The following CSRNP3 variants were observed in gnomAD, a reference collection of about 807,000 sequenced individuals.
The protein encoded by CSRNP3 is cysteine and serine rich nuclear protein 3.
In CSRNP3, 12 loss-of-function variants were observed where a neutral mutation model predicts 48.0. The ratio of observed to expected loss-of-function variants is 0.25; its 90% CI spans 0.16 to 0.41. The LOEUF (loss-of-function observed/expected upper bound fraction) is 0.41. Ranked by LOEUF, CSRNP3 falls within the 10% of genes least tolerant of loss-of-function variation. CSRNP3 has a pLI of 1.00. For missense variants in CSRNP3, 580 were observed against 724.4 expected (o/e 0.80, Z 2.29); for synonymous variants, 263 against 269.7 (o/e 0.98, Z 0.24).
At position 165,476,746 on chromosome 2, in the gene CSRNP3, T is replaced by C. The variant is rs143855552; in HGVS notation, c.-283+7006T>C. ...AAATTTGGACCAGTTACTTAAACTA[T>C]CTGAGCCTTAGTTTTCTTATCTGTA... On this transcript the variant is annotated intron_variant, in intron 1 of 6. Transcript: ENST00000651982. Among the ~76,000 whole-genome samples the C allele has an allele frequency of 1.6e-3, 249 of 152,362 alleles. 1 individual carries two copies. Among genetic ancestry groups the C allele is most frequent in the South Asian group, 0.011 (51 of 4,826 alleles).
chr2:165,516,498 A>G (rs535700109), intron 2 of CSRNP3, among the ~76,000 whole-genome samples: 1 of 152,308 alleles, frequency 6.6e-6, no homozygotes, highest in South Asian at 2.1e-4. Flanking sequence ...ATGAGGTAGT[A>G]TAATTTATTA....
chr2:165,483,897 G>C (rs1684079998), intron 1 of CSRNP3, among the ~76,000 whole-genome samples: 2 of 152,140 alleles, frequency 1.3e-5, no homozygotes, highest in Non-Finnish European at 2.9e-5. Flanking sequence ...ATTTTAGGGA[G>C]ACCCTAGCAT....
chr2:165,545,210 G>T (rs1031595474), intron 3 of CSRNP3, among the ~76,000 whole-genome samples: 2 of 152,152 alleles, frequency 1.3e-5, no homozygotes, highest in Non-Finnish European at 2.9e-5. Flanking sequence ...TGAGAGAATG[G>T]GTGGAGAAGA....
chr2:165,608,012 A>G (rs1353931867), intron 4 of CSRNP3, among the ~76,000 whole-genome samples: 1 of 150,714 alleles, frequency 6.6e-6, no homozygotes, highest in African/African-American at 2.4e-5. Flanking sequence ...TTATAGTGTT[A>G]TATTTGATGA....
chr2:165,660,051 T>G (rs2105348425), intron 5 of CSRNP3, among the ~76,000 whole-genome samples: 1 of 152,338 alleles, frequency 6.6e-6, no homozygotes. Context: ...TGTTGTTGTT[T>G]TTTATGCTTG....
chr2:165,519,383 A>G (rs1157213225), intron 3 of CSRNP3, among the ~76,000 whole-genome samples: 1 of 152,150 alleles, frequency 6.6e-6, no homozygotes, highest in Non-Finnish European at 1.5e-5. Flanking sequence ...ATTGAATGCT[A>G]TAAATCCATA....
In CSRNP3 at chr2:165,685,819, TA is replaced by T. The variant is rs1198004885; in HGVS notation, c.*6068del. The T allele has an allele frequency of 2.0e-4, 31 of 152,266 alleles. No individual in the cohort carries two copies. Among genetic ancestry groups the T allele is most frequent in the African/African-American group, 6.5e-4 (27 of 41,572 alleles). The allele number at this position is 152,266 out of a possible 1,614,324, so 9.4% of individuals were successfully genotyped here. On this transcript the variant is annotated 3_prime_UTR_variant, in exon 7 of 7. Transcript: ENST00000651982. The stretch of plus-strand genomic sequence containing the variant: ...GGAATGTGATAGAATTTATTTTGGA[TA>T]ACATTTGTATTCAGCATGCTAATGA...
At position 165,680,774 on chromosome 2, in the gene CSRNP3, G is replaced by A. The variant is rs1687522138; in HGVS notation, c.*1021G>A. 1 of 152,040 alleles carries A rather than the reference G, an allele frequency of 6.6e-6. No individual in the cohort carries two copies. The highest frequency in any genetic ancestry group is 1.5e-5 in the Non-Finnish European group (1 of 68,016). The allele number at this position is 152,040 out of a possible 1,614,324, so 9.4% of individuals were successfully genotyped here. On this transcript the variant is annotated 3_prime_UTR_variant, in exon 7 of 7. Transcript: ENST00000651982. ...GGAATCATCCAATGATACTTATGAA[G>A]GGAAAATGACCTATTTTCCTTCACC...
At chr2:165,476,431 G>A (rs1486765408) in intron 1 of CSRNP3, among the ~76,000 whole-genome samples, 1 of 152,116 alleles carries the variant, frequency 6.6e-6, no homozygotes, top group Non-Finnish European at 1.5e-5. Flanking sequence ...AAAGAATAAC[G>A]AATGAAATAT....
intron 1 of CSRNP3, among the ~76,000 whole-genome samples, chr2:165,492,950 AAAG>A (rs1266025193): frequency 2.0e-5 from 3 of 151,344 alleles, no homozygotes; most frequent in African/African-American, 4.8e-5. Context: ...AAAAAAAAAA[AAAG>A]GAGTCACTGG....
At chr2:165,474,979 A>G (rs1184542002) in intron 1 of CSRNP3, among the ~76,000 whole-genome samples, 1 of 152,202 alleles carries the variant, frequency 6.6e-6, no homozygotes. Flanking sequence ...TGTTGTGGAT[A>G]TATCACAATA....
chr2:165,541,061 T>C (rs1574829173), intron 3 of CSRNP3, among the ~76,000 whole-genome samples: 1 of 152,062 alleles, frequency 6.6e-6, no homozygotes, highest in East Asian at 1.9e-4. Flanking sequence ...AGTCAATATT[T>C]TATATACCAC....
chr2:165,686,633 T>A lies in CSRNP3; in HGVS notation c.*6880T>A, dbSNP rs886830430. Reference sequence around the variant, plus strand: ...TGTTTTTTAATTTATTTAGTGTTGATCCTTGAGTTATTTAATGGTATCCAA... The same window carrying A: ...TGTTTTTTAATTTATTTAGTGTTGAACCTTGAGTTATTTAATGGTATCCAA... On this transcript the variant is annotated 3_prime_UTR_variant, in exon 7 of 7. Coordinates refer to ENST00000651982, the MANE Select transcript of CSRNP3 (RefSeq NM_001172173.2). 7 of 152,064 alleles carry A rather than the reference T, an allele frequency of 4.6e-5. No homozygotes were observed. The highest frequency in any genetic ancestry group is 1.7e-4 in the African/African-American group (7 of 41,400). 9.4% of individuals were successfully genotyped at this position (152,064 alleles called of 1,614,324 possible).
chr2:165,529,117 T>C (rs190435979), intron 3 of CSRNP3, among the ~76,000 whole-genome samples: 4 of 152,322 alleles, frequency 2.6e-5, no homozygotes, highest in African/African-American at 9.6e-5. Context: ...CTGCTTGGCT[T>C]CTGCCTGCAA....
At chr2:165,617,407 G>A (rs1686265901) in intron 4 of CSRNP3, among the ~76,000 whole-genome samples, 1 of 151,614 alleles carries the variant, frequency 6.6e-6, no homozygotes, top group Non-Finnish European at 1.5e-5. Flanking sequence ...GTGTCCATAT[G>A]ATTTCCTTGG....
chr2:165,554,297 A>T (rs1685136045), intron 3 of CSRNP3, among the ~76,000 whole-genome samples: 1 of 152,110 alleles, frequency 6.6e-6, no homozygotes, highest in Non-Finnish European at 1.5e-5. Flanking sequence ...TAGTCCTTAG[A>T]CTGCCTCTTT....
chr2:165,604,103 C>A (rs549434156), intron 4 of CSRNP3, among the ~76,000 whole-genome samples: 2 of 152,268 alleles, frequency 1.3e-5, no homozygotes, highest in African/African-American at 4.8e-5. Flanking sequence ...TTGAAACTTA[C>A]CATTCACTGC....
At chr2:165,572,414 A>G (rs1371022200) in intron 3 of CSRNP3, 1 of 152,158 alleles carries the variant, frequency 6.6e-6, no homozygotes, top group Non-Finnish European at 1.5e-5. Flanking sequence ...GTTGCTGAAC[A>G]ATAAAGCATA....
At chr2:165,648,386 G>A (rs1224575664) in intron 4 of CSRNP3, among the ~76,000 whole-genome samples, 3 of 152,056 alleles carry the variant, frequency 2.0e-5, no homozygotes, top group African/African-American at 7.2e-5. Context: ...AGGGCATTCT[G>A]CAGTTACATT....
Sources: gnomAD v4.1 joint callset for allele counts (sites outside exome capture counted in the v4.1 genomes callset) on GRCh38, gnomAD v4.1.1 for gene constraint, MANE v1.5 for transcripts, NCBI Gene and HGNC (gene_info 2026-07-23, HGNC 2026-07-21) for gene names.